HNRNPM: variants seen among roughly 807,000 people sequenced by gnomAD.
HNRNPM encodes heterogeneous nuclear ribonucleoprotein M.
Under a neutral mutation model 73.1 loss-of-function variants are expected in HNRNPM, and 11 were observed. That is an observed-to-expected ratio of 0.15 (90% confidence interval 0.09 to 0.25). The LOEUF (loss-of-function observed/expected upper bound fraction) is 0.25. Ranked by LOEUF, HNRNPM falls within the 10% of genes least tolerant of loss-of-function variation. The probability of loss-of-function intolerance (pLI) is 1.00; values close to 1 mark genes in which losing one functional copy is unlikely to be tolerated. For missense variants in HNRNPM, 789 were observed against 1,067.9 expected (o/e 0.74, Z 3.64); for synonymous variants, 407 against 355.2 (o/e 1.15, Z -1.64).
intron 2 of HNRNPM, among the ~76,000 whole-genome samples, chr19:8,457,284 T>C (rs1287515558): frequency 6.6e-6 from 1 of 152,222 alleles, no homozygotes; most frequent in African/African-American, 2.4e-5. Context: ...AAGCTGGTAG[T>C]AGCAGCAGCA....
At chr19:8,464,000 C>T (rs976435820) in intron 5 of HNRNPM, 2 of 263,650 alleles carry the variant, frequency 7.6e-6, no homozygotes, top group Non-Finnish European at 1.5e-5. Context: ...CCATCTGACC[C>T]TTCTTCTTGG....
At chr19:8,465,561 T>C (rs777426526) in intron 6 of HNRNPM, 46 bp downstream of exon 6, 3 of 1,188,562 alleles carry the variant, frequency 2.5e-6, no homozygotes, top group Non-Finnish European at 3.6e-6. Context: ...CAGAACTTTA[T>C]GAAATGACCT....
At chr19:8,464,641 A>C (rs576774451) in intron 5 of HNRNPM, among the ~76,000 whole-genome samples, 5 of 152,202 alleles carry the variant, frequency 3.3e-5, no homozygotes, top group Admixed American at 2.0e-4. Context: ...TCAAAAAAAC[A>C]TCCCTCTTAA....
chr19:8,461,770 C>T (rs552384052), intron 2 of HNRNPM, among the ~76,000 whole-genome samples: 1 of 152,168 alleles, frequency 6.6e-6, no homozygotes, highest in South Asian at 2.1e-4. Flanking sequence ...AGAATGAAGC[C>T]TGGCCTAATT....
chr19:8,484,602 C>T (rs1971143683), intron 13 of HNRNPM, among the ~76,000 whole-genome samples: 2 of 152,364 alleles, frequency 1.3e-5, no homozygotes, highest in Admixed American at 1.3e-4. Flanking sequence ...GCTTTGGCCG[C>T]TCACTGTGTG....
rs200066835 is a variant in HNRNPM at position 8,488,834 on chromosome 19, C to A, written c.2173C>A (p.Arg725=). ...GCTGAGTGGCCGAGAGATTGACGTT[C>A]GAATTGATAGAAACGCTTAAGCAGT... ...MKLSGREIDV[R]IDRNA is the part of the protein sequence containing the mutation. Residue 725 remains arginine, a synonymous_variant, in exon 16 of 16, where the codon CGA becomes AGA. Transcript: ENST00000325495. 1.2e-6 allele frequency: 2 copies of A among 1,613,828 alleles called. No individual in the cohort carries two copies. The highest frequency in any genetic ancestry group is 2.2e-5 in the East Asian group (1 of 44,876).
intron 13 of HNRNPM, among the ~76,000 whole-genome samples, chr19:8,483,796 C>A (rs1245979037): frequency 6.6e-6 from 1 of 152,194 alleles, no homozygotes; most frequent in African/African-American, 2.4e-5. Flanking sequence ...GAGACAGTCT[C>A]GCTCTGTCTC....
At chr19:8,450,589 A>T (rs1277258197) in intron 1 of HNRNPM, among the ~76,000 whole-genome samples, 1 of 152,024 alleles carries the variant, frequency 6.6e-6, no homozygotes, top group Non-Finnish European at 1.5e-5. Flanking sequence ...TTTTGTAGAG[A>T]TGGTGTTATA....
chr19:8,473,504 T>TA (rs1970299331), intron 10 of HNRNPM, among the ~76,000 whole-genome samples, 160 bp from the exon 11 acceptor site: 1 of 151,852 alleles, frequency 6.6e-6, no homozygotes, highest in African/African-American at 2.4e-5. Context: ...GTTGAAATGG[T>TA]AAGGGCTTTT....
chr19:8,445,103 C>T lies in HNRNPM; in HGVS notation c.105C>T (p.Gly35=), dbSNP rs1268043176. The change falls in exon 1 of 16, where the codon GGC becomes GGT. Residue 35 remains glycine (G), a synonymous_variant. Transcript: ENST00000325495. Reference sequence around the variant, plus strand: ...TGCCGAGCGGCAACGGGGCTCCGGGCCCTAAGGGGTGAGTATCCCACGGTC... The same window carrying T: ...TGCCGAGCGGCAACGGGGCTCCGGGTCCTAAGGGGTGAGTATCCCACGGTC... ...PGVPSGNGAP[G]PKGEGERPAQ... 2.1e-6 allele frequency: 3 copies of T among 1,410,710 alleles called. No homozygotes were observed. The highest frequency in any genetic ancestry group is 1.6e-5 in the South Asian group (1 of 63,846). The allele number at this position is 1,410,710 out of a possible 1,614,324, so 87.4% of individuals were successfully genotyped here. A position where few individuals can be genotyped will look rare whatever the true frequency, so the allele number is the denominator to read the frequency against.
intron 8 of HNRNPM, among the ~76,000 whole-genome samples, chr19:8,468,307 TAA>T (rs1386163604): frequency 1.3e-5 from 2 of 152,212 alleles, no homozygotes; most frequent in Non-Finnish European, 2.9e-5. Context: ...ACTTCAATCT[TAA>T]TAAACATTTG....
At chr19:8,452,328 A>G (rs1968687847) in intron 1 of HNRNPM, among the ~76,000 whole-genome samples, 1 of 152,238 alleles carries the variant, frequency 6.6e-6, no homozygotes, top group Non-Finnish European at 1.5e-5. Flanking sequence ...TTGGGACTTC[A>G]AAAGTAACAA....
At chr19:8,464,755 A>G (rs1969626510) in intron 5 of HNRNPM, among the ~76,000 whole-genome samples, 1 of 152,094 alleles carries the variant, frequency 6.6e-6, no homozygotes, top group South Asian at 2.1e-4. Context: ...TTTAGTGCTG[A>G]TGGTGGTAAT....
At chr19:8,469,012 T>C (rs983686917) in intron 9 of HNRNPM, among the ~76,000 whole-genome samples, 178 bp downstream of exon 9, 14 of 152,166 alleles carry the variant, frequency 9.2e-5, no homozygotes, top group African/African-American at 3.1e-4. Context: ...TTGAGGATAT[T>C]GTTAGGATTA....
chr19:8,471,506 A>AGT (rs927533595), intron 10 of HNRNPM, 79 bp downstream of exon 10: 4 of 676,826 alleles, frequency 5.9e-6, no homozygotes, highest in Non-Finnish European at 9.5e-6. Context: ...GACTTTGAGT[A>AGT]GTTTAAATGG....
intron 5 of HNRNPM, chr19:8,463,964 G>A (rs928002138): frequency 5.6e-6 from 2 of 354,890 alleles, no homozygotes; most frequent in African/African-American, 2.1e-5. Flanking sequence ...CCATGAGCCC[G>A]TGGGTTTGTG....
At chr19:8,448,997 C>T (rs1321398213) in intron 1 of HNRNPM, among the ~76,000 whole-genome samples, 1 of 152,164 alleles carries the variant, frequency 6.6e-6, no homozygotes, top group African/African-American at 2.4e-5. Context: ...AGGCAGCTTG[C>T]TGCTTTCATG....
At chr19:8,451,289 C>T (rs913341825) in intron 1 of HNRNPM, among the ~76,000 whole-genome samples, 13 of 151,616 alleles carry the variant, frequency 8.6e-5, no homozygotes, top group South Asian at 8.4e-4. Flanking sequence ...GTGATCTGCC[C>T]GCCTCGGCCC....
intron 1 of HNRNPM, among the ~76,000 whole-genome samples, chr19:8,447,853 C>G (rs971413412): frequency 6.6e-6 from 1 of 152,142 alleles, no homozygotes. Context: ...GGTGAAACCC[C>G]GTCTCTACTA....
Sources: gnomAD v4.1 joint callset for allele counts (sites outside exome capture counted in the v4.1 genomes callset) on GRCh38, gnomAD v4.1.1 for gene constraint, MANE v1.5 for transcripts, NCBI Gene and HGNC (gene_info 2026-07-23, HGNC 2026-07-21) for gene names.